The following ABCC1 variants were observed in gnomAD, a reference collection of about 807,000 sequenced individuals.
ABCC1 encodes multidrug resistance-associated protein 1.
Under a neutral mutation model 172.9 loss-of-function variants are expected in ABCC1, and 83 were observed. That is an observed-to-expected ratio of 0.48 (90% confidence interval 0.40 to 0.58). The LOEUF is 0.58. Among genes scored for constraint, ABCC1 ranks in the 20% least tolerant of loss-of-function variants. The pLI, the probability that ABCC1 is intolerant of heterozygous loss-of-function variation, is 0.00. For missense variants in ABCC1, 1,817 were observed against 2,002.7 expected (o/e 0.91, Z 1.77); for synonymous variants, 937 against 825.2 (o/e 1.14, Z -2.32).
chr16:16,057,669 T>C (rs1356962869), intron 12 of ABCC1, among the ~76,000 whole-genome samples: 1 of 152,196 alleles, frequency 6.6e-6, no homozygotes, highest in Admixed American at 6.6e-5. Flanking sequence ...TATTTAAAAA[T>C]ACTTTGACAG....
In ABCC1 at chr16:16,141,421, C is replaced by T. The variant is rs1274758402; in HGVS notation, c.*140C>T. The T allele has an allele frequency of 9.7e-6, 7 of 723,014 alleles. No individual in the cohort carries two copies. The highest frequency in any genetic ancestry group is 3.4e-4 in the Middle Eastern group (1 of 2,954). 44.8% of individuals were successfully genotyped at this position (723,014 alleles called of 1,614,324 possible). ...CAAACCCAGACAACCAAAACATATT[C>T]AAAGCAGCAGCCACCGCCATCCGGT... On this transcript the variant is annotated 3_prime_UTR_variant, in exon 31 of 31. Transcript: ENST00000399410.
chr16:16,090,912 G>A (rs1047529654), intron 19 of ABCC1, among the ~76,000 whole-genome samples: 5 of 152,204 alleles, frequency 3.3e-5, no homozygotes, highest in African/African-American at 1.2e-4. Flanking sequence ...TGGCAAAAAT[G>A]GGAATGATGG....
rs976557251 is a variant in ABCC1 at position 16,083,310 on chromosome 16, C to T, written c.2116-56C>T. The T allele has an allele frequency of 1.2e-4, 181 of 1,561,104 alleles. 1 individual carries two copies. Among genetic ancestry groups the T allele is most frequent in the Middle Eastern group, 2.2e-4 (1 of 4,482 alleles). ...CAGGCGGGTGGGCCAGCTGTTGTCT[C>T]GTTGATCAGATCTGTCTGTGTGTCT... is the stretch of plus-strand genomic sequence containing the variant. On this transcript the variant is annotated intron_variant, in intron 16 of 30. Coordinates refer to ENST00000399410, the MANE Select transcript of ABCC1 (RefSeq NM_004996.4).
At chr16:16,121,430 A>G (rs1355710539) in intron 23 of ABCC1, among the ~76,000 whole-genome samples, 1 of 152,224 alleles carries the variant, frequency 6.6e-6, no homozygotes, top group African/African-American at 2.4e-5. Context: ...GCCAGTCAGT[A>G]GTTGAGTCAG....
chr16:16,065,586 C>G (rs1204911981), intron 12 of ABCC1, among the ~76,000 whole-genome samples: 1 of 152,134 alleles, frequency 6.6e-6, no homozygotes, highest in Non-Finnish European at 1.5e-5. Flanking sequence ...GCACATGCCA[C>G]CACACCCGGC....
chr16:16,099,511 G>A (rs1277830286), intron 19 of ABCC1, among the ~76,000 whole-genome samples: 1 of 152,242 alleles, frequency 6.6e-6, no homozygotes, highest in South Asian at 2.1e-4. Context: ...ACAAACAGAG[G>A]GTGTTTCCTG....
chr16:16,141,164 C>G lies in ABCC1; in HGVS notation c.4488-9C>G. ...CCTTCCCCTCATGTCTGTATCCCCT[C>G]TCCCTCAGGGTGATCGTCTTGGACA... On this transcript the variant is annotated splice_polypyrimidine_tract_variant and intron_variant, in intron 30 of 30. Transcript: ENST00000399410. 3 of 1,613,146 alleles carry G rather than the reference C, an allele frequency of 1.9e-6. No individual in the cohort carries two copies. In the South Asian group the frequency reaches 3.3e-5, roughly 18 times the overall value.
Position 16,122,068 on chromosome 16 carries a change from G to A in ABCC1, c.3484G>A (p.Val1162Ile). 6.2e-7 allele frequency: 1 copy of A among 1,614,216 alleles called. No individual in the cohort carries two copies. The highest frequency in any genetic ancestry group is 8.5e-7 in the Non-Finnish European group (1 of 1,180,048). The change falls in exon 24 of 31, where the codon GTC becomes ATC. Residue 1162 changes from valine (V) to isoleucine (I), a missense_variant. This residue lies in a region of ABCC1 where 1,412 missense variants were observed against 1,600.3 expected (regional missense o/e 0.88). Transcript: ENST00000399410. ...YSHFNETLLG[V>I]SVIRAFEEQE... Reference sequence around the variant, plus strand: ...CCATTTCAACGAGACCTTGCTGGGGGTCAGCGTCATTCGAGCCTTCGAGGA... The same window carrying A: ...CCATTTCAACGAGACCTTGCTGGGGATCAGCGTCATTCGAGCCTTCGAGGA...
intron 15 of ABCC1, 137 bp from the exon 16 acceptor site, chr16:16,079,215 C>T: frequency 7.8e-7 from 1 of 1,274,228 alleles, no homozygotes; most frequent in South Asian, 1.5e-5. Context: ...AATGTTGAGG[C>T]CTTCAGTGTT....
intron 24 of ABCC1, among the ~76,000 whole-genome samples, chr16:16,124,561 T>G (rs1387998594): frequency 6.6e-6 from 1 of 152,196 alleles, no homozygotes; most frequent in Non-Finnish European, 1.5e-5. Flanking sequence ...TTTTAATCCA[T>G]GGGTTTGCCA....
intron 6 of ABCC1, 150 bp from the exon 7 acceptor site, chr16:16,036,322 C>A: frequency 1.6e-6 from 1 of 617,130 alleles, no homozygotes; most frequent in Non-Finnish European, 2.7e-6. Context: ...ATTCTGACTT[C>A]CCAAGCTGCA....
chr16:15,966,969 C>T (rs1380846800), intron 1 of ABCC1, among the ~76,000 whole-genome samples: 2 of 152,174 alleles, frequency 1.3e-5, no homozygotes, highest in Admixed American at 1.3e-4. Context: ...GTGGGCACCA[C>T]TGTGCCTGGC....
intron 1 of ABCC1, among the ~76,000 whole-genome samples, chr16:15,999,489 C>T (rs189839352): frequency 3.3e-5 from 5 of 151,778 alleles, no homozygotes; most frequent in African/African-American, 4.8e-5. Flanking sequence ...GTGGCAGGCG[C>T]CTATAGTCCC....
At position 15,949,712 on chromosome 16, in the gene ABCC1, C is replaced by T. The variant is rs1302236725; in HGVS notation, c.-40C>T. The stretch of plus-strand genomic sequence containing the variant: ...GCCCGCGCCAGCAACCGGGCCCGAT[C>T]ACCCGCCGCCCGGTGCCCGCCGCCG... On this transcript the variant is annotated 5_prime_UTR_variant, in exon 1 of 31. Coordinates refer to ENST00000399410, the MANE Select transcript of ABCC1 (RefSeq NM_004996.4). The T allele has an allele frequency of 1.6e-5, 18 of 1,104,898 alleles. No homozygotes were observed. The East Asian group carries it at 9.7e-4, about 59-fold the overall frequency. 68.4% of individuals were successfully genotyped at this position (1,104,898 alleles called of 1,614,324 possible).
At chr16:16,135,626 T>C (rs1311098228) in intron 28 of ABCC1, among the ~76,000 whole-genome samples, 1 of 152,094 alleles carries the variant, frequency 6.6e-6, no homozygotes, top group Non-Finnish European at 1.5e-5. Context: ...TGGCTAGTTT[T>C]TGTATTTTTA....
intron 20 of ABCC1, among the ~76,000 whole-genome samples, chr16:16,104,309 GA>G (rs1193395705): frequency 6.6e-6 from 1 of 152,270 alleles, no homozygotes; most frequent in East Asian, 1.9e-4. Context: ...CCATTTTACA[GA>G]GAGCCGATTG....
chr16:16,116,328 C>T (rs536974584), intron 23 of ABCC1, among the ~76,000 whole-genome samples: 2 of 152,268 alleles, frequency 1.3e-5, no homozygotes, highest in East Asian at 3.9e-4. Context: ...GGTGCTGAAT[C>T]AGCACTACTC....
intron 1 of ABCC1, among the ~76,000 whole-genome samples, chr16:15,997,101 T>TG (rs1178363680): frequency 2.7e-5 from 4 of 150,532 alleles, no homozygotes; most frequent in Non-Finnish European, 5.9e-5. Flanking sequence ...CTCTTTTTTT[T>TG]TTTTTTTTGA....
In ABCC1 at chr16:15,999,814, C is replaced by CTCTCTCTCTCCTCTG. The variant is rs2047209391; in HGVS notation, c.49-7992_49-7991insCTCTGTCTCTCTCTC. ...CTCTCTCTCTCTCTCTCTCTCCTCTCTCTCTCTCTCTCTCTCTCTGTCTCT... is the reference window on the plus strand; with the variant it reads ...CTCTCTCTCTCTCTCTCTCTCCTCTCTCTCTCTCTCCTCTGTCTCTCTCTCTCTCTCTCTGTCTCT... On this transcript the variant is annotated intron_variant, in intron 1 of 30. Transcript: ENST00000399410. Among the ~76,000 whole-genome samples, 2 of 40,118 alleles carry CTCTCTCTCTCCTCTG rather than the reference C, an allele frequency of 5.0e-5. 1 individual carries two copies. The highest frequency in any genetic ancestry group is 1.1e-4 in the Non-Finnish European group (2 of 18,500). 26.3% of individuals were successfully genotyped at this position (40,118 alleles called of 152,430 possible).
Sources: allele counts gnomAD v4.1 joint callset (sites outside exome capture counted in the v4.1 genomes callset), GRCh38; gene constraint gnomAD v4.1.1; regional missense constraint gnomAD v4.1.1; transcripts MANE v1.5; gene names NCBI Gene and HGNC (gene_info 2026-07-23, HGNC 2026-07-21).